The following TRIM55 variants were observed in gnomAD, a reference collection of about 807,000 sequenced individuals.
The protein encoded by TRIM55 is tripartite motif-containing protein 55.
In TRIM55, 50 loss-of-function variants were observed where a neutral mutation model predicts 60.9. The observed-to-expected ratio is 0.82, with a 90% CI of 0.65 to 1.04. TRIM55 has a LOEUF of 1.04. Among genes scored for constraint, TRIM55 ranks in the 50% least tolerant of loss-of-function variants. TRIM55 has a pLI of 0.00. For missense variants in TRIM55, 681 were observed against 666.9 expected, an observed-to-expected ratio of 1.02 and a Z score of -0.23; for synonymous variants, 237 against 238.1, an observed-to-expected ratio of 1.00 and a Z score of 0.04.
At chr8:66,119,696 G>T in the TRIM55 span, among the ~76,000 whole-genome samples, 2 of 152,138 alleles carry the variant, frequency 1.3e-5, no homozygotes, top group Admixed American at 1.3e-4. Flanking sequence ...ACCAAAAGAC[G>T]GTGACCCAGT....
intron 9 of TRIM55, among the ~76,000 whole-genome samples, chr8:66,156,314 G>T (rs900973229): frequency 6.6e-6 from 1 of 152,152 alleles, no homozygotes; most frequent in African/African-American, 2.4e-5. Flanking sequence ...ATATCTGGGG[G>T]ATTGCAGCCA....
At chr8:66,126,556 T>G (rs1394255412), upstream of TRIM55, among the ~76,000 whole-genome samples, 2 of 152,204 alleles carry the variant, frequency 1.3e-5, no homozygotes, top group African/African-American at 4.8e-5. Flanking sequence ...GTGGATACCT[T>G]TATGGTGAAG....
Position 66,155,756 on chromosome 8 carries a change from C to T in TRIM55, c.1524+1422C>T, listed in dbSNP as rs199533867. The T allele has an allele frequency of 6.2e-5, 83 of 1,332,474 alleles. No individual in the cohort carries two copies. The African/African-American group carries it at 8.8e-4, about 14-fold the overall frequency. The allele number at this position is 1,332,474 out of a possible 1,614,324, so 82.5% of individuals were successfully genotyped here. ...CCTTGACTAACATCTCACATAGTTT[C>T]TTCCATAATGTTCCTCTTCTATAGG... On this transcript the variant is annotated intron_variant, in intron 9 of 9. Coordinates refer to ENST00000315962, the MANE Select transcript of TRIM55 (RefSeq NM_184085.2).
At chr8:66,134,591 G>A (rs980023777) in intron 2 of TRIM55, among the ~76,000 whole-genome samples, 13 of 152,184 alleles carry the variant, frequency 8.5e-5, no homozygotes, top group African/African-American at 3.1e-4. Flanking sequence ...TGAGCATGTA[G>A]ACACAGTGCT....
In TRIM55 at chr8:66,150,313, C is replaced by T. The variant is rs571070166; in HGVS notation, c.861-29C>T. 25 of 1,614,064 alleles carry T rather than the reference C, an allele frequency of 1.5e-5. No homozygotes were observed. In the South Asian group the frequency reaches 2.4e-4, roughly 16 times the overall value. On this transcript the variant is annotated intron_variant, in intron 6 of 9. Coordinates refer to ENST00000315962, the MANE Select transcript of TRIM55 (RefSeq NM_184085.2). Reference sequence around the variant, plus strand: ...AAGGCTATCCAATTTTCAACAGTGACAGAAAGTGGCAACTTGTCTTTGTTG... The same window carrying T: ...AAGGCTATCCAATTTTCAACAGTGATAGAAAGTGGCAACTTGTCTTTGTTG...
At position 66,127,461 on chromosome 8, in the gene TRIM55, A is replaced by AG. The variant is rs767184012; in HGVS notation, c.168+29dup. 5 of 1,347,252 alleles carry AG rather than the reference A, an allele frequency of 3.7e-6. No individual in the cohort carries two copies. In the South Asian group the frequency reaches 5.8e-5, roughly 16 times the overall value. The allele number at this position is 1,347,252 out of a possible 1,614,324, so 83.5% of individuals were successfully genotyped here. On this transcript the variant is annotated intron_variant, in intron 1 of 9. Transcript: ENST00000315962. ...GGTAGGTTTGTTTGGAATTTGGTTG[A>AG]GGGGAGGGGGTGGAAAAGATTCCCT...
chr8:66,134,094 A>T (rs1809336249), intron 2 of TRIM55, among the ~76,000 whole-genome samples: 2 of 152,220 alleles, frequency 1.3e-5, no homozygotes, highest in African/African-American at 4.8e-5. Flanking sequence ...AATGCAGATC[A>T]TAGCTCCCTA....
intron 9 of TRIM55, among the ~76,000 whole-genome samples, chr8:66,172,558 A>C (rs1048032562): frequency 1.3e-5 from 2 of 152,256 alleles, no homozygotes; most frequent in Admixed American, 1.3e-4. Context: ...TATGAAGGCA[A>C]TAGTGGGTTA....
intron 4 of TRIM55, 144 bp from the exon 5 acceptor site, chr8:66,149,501 A>G (rs1003056595): frequency 2.8e-5 from 18 of 634,764 alleles, no homozygotes; most frequent in Non-Finnish European, 4.7e-5. Flanking sequence ...CATAGTGGGT[A>G]TCCATACCTA....
chr8:66,136,361 A>T (rs1289819329), intron 3 of TRIM55, among the ~76,000 whole-genome samples: 2 of 152,198 alleles, frequency 1.3e-5, no homozygotes, highest in Non-Finnish European at 2.9e-5. Flanking sequence ...AATATTTTAT[A>T]ATCACTGTTC....
At chr8:66,134,841 G>A in intron 2 of TRIM55, 149 bp from the exon 3 acceptor site, 1 of 788,858 alleles carries the variant, frequency 1.3e-6, no homozygotes. Context: ...CTCTGAGCAT[G>A]TGAAAGGGCC....
chr8:66,125,852 G>T (rs1808800126), upstream of TRIM55, among the ~76,000 whole-genome samples: 1 of 152,248 alleles, frequency 6.6e-6, no homozygotes, highest in South Asian at 2.1e-4. Flanking sequence ...ATTCACACCA[G>T]GGATATGTTA....
At chr8:66,172,092 G>A (rs1586268875) in intron 9 of TRIM55, among the ~76,000 whole-genome samples, 1 of 144,796 alleles carries the variant, frequency 6.9e-6, no homozygotes. Context: ...AAGAAGGAAG[G>A]AAGGAAGGAA....
At chr8:66,135,576 C>T (rs1239195919) in intron 3 of TRIM55, among the ~76,000 whole-genome samples, 3 of 152,182 alleles carry the variant, frequency 2.0e-5, no homozygotes, top group African/African-American at 7.2e-5. Context: ...TTCATCCACC[C>T]ATGAAAGATT....
chr8:66,164,664 G>A (rs967022687), intron 9 of TRIM55, among the ~76,000 whole-genome samples: 1 of 152,184 alleles, frequency 6.6e-6, no homozygotes, highest in African/African-American at 2.4e-5. Flanking sequence ...CAGGAACAAA[G>A]TGGGTTCCTC....
rs1384767603 is a variant in TRIM55, at chr8:66,127,331, G to A, written c.63G>A (p.Glu21=). The part of the protein sequence containing the change: ...SKEQQTMDNL[E]KQLICPICLE... ...AGCAGCAGACCATGGATAACTTAGA[G>A]AAGCAACTCATCTGTCCCATCTGCT... The change falls in exon 1 of 10, where the codon GAG becomes GAA. Residue 21 remains glutamate (E), a synonymous_variant. Coordinates refer to ENST00000315962, the MANE Select transcript of TRIM55 (RefSeq NM_184085.2). The A allele has an allele frequency of 2.5e-6, 4 of 1,614,090 alleles. No homozygotes were observed. Among genetic ancestry groups the A allele is most frequent in the Admixed American group, 3.3e-5 (2 of 60,006 alleles).
intron 4 of TRIM55, among the ~76,000 whole-genome samples, chr8:66,149,285 A>G (rs1168304136): frequency 1.3e-5 from 2 of 152,170 alleles, no homozygotes; most frequent in East Asian, 3.8e-4. Context: ...ATGCACACAC[A>G]TGCACACACA....
chr8:66,128,273 C>A, intron 1 of TRIM55, 31 bp from the exon 2 acceptor site: 2 of 1,551,670 alleles, frequency 1.3e-6, no homozygotes, highest in East Asian at 2.3e-5. Flanking sequence ...TGGCATTACC[C>A]AATTCCTTTT....
Position 66,127,445 on chromosome 8 carries a change from G to GT in TRIM55, c.168+12dup. Reference sequence around the variant, plus strand: ...CCAGTGATATTTTCCAGGTAGGTTTGTTTGGAATTTGGTTGAGGGGAGGGG... The same window carrying GT: ...CCAGTGATATTTTCCAGGTAGGTTTGTTTTGGAATTTGGTTGAGGGGAGGGG... On this transcript the variant is annotated intron_variant, in intron 1 of 9. Transcript: ENST00000315962. 6.3e-7 allele frequency: 1 copy of GT among 1,588,458 alleles called. No individual in the cohort carries two copies.
Sources: gnomAD v4.1 joint callset for allele counts (sites outside exome capture counted in the v4.1 genomes callset) on GRCh38, gnomAD v4.1.1 for gene constraint, MANE v1.5 for transcripts, NCBI Gene and HGNC (gene_info 2026-07-23, HGNC 2026-07-21) for gene names.